FAM120AOS: variants seen among roughly 807,000 people sequenced by gnomAD.
FAM120AOS encodes the protein uncharacterized protein FAM120AOS.
FAM120AOS carries 15 observed loss-of-function variants against 20.2 expected under a neutral mutation model. The ratio of observed to expected loss-of-function variants is 0.74; its 90% CI spans 0.50 to 1.15. FAM120AOS has a LOEUF of 1.15. FAM120AOS is among the 50% of genes most tolerant of loss of function. The probability of loss-of-function intolerance (pLI) is 0.00; values close to 1 mark genes in which losing one functional copy is unlikely to be tolerated. For missense variants in FAM120AOS, 327 were observed against 351.9 expected (o/e 0.93, Z 0.57); for synonymous variants, 154 against 154.0 (o/e 1.00, Z 0.00).
rs113476650 is a variant in FAM120AOS, at chr9:93,447,675, T to C, written c.707A>G (p.Asn236Ser). ...VKKISRSCSVNNKVSKKTTKP... is the reference protein window; with the variant it reads ...VKKISRSCSVSNKVSKKTTKP... ...TGTGGTTTTCTTTGAGACTTTGTTA[T>C]TGACAGAACAGCTTCTGGAAATCTG... The change falls in exon 3 of 3, where the codon AAT becomes AGT. Residue 236 changes from asparagine to serine, a missense_variant. By Grantham distance (46) the Asn-to-Ser change is conservative (BLOSUM62 1). Around this residue, in one of 3 missense-constraint regions of FAM120AOS, gnomAD observed 86 missense variants for 82.9 expected, o/e 1.04. Transcript: ENST00000375412. 3.6e-3 allele frequency: 5,821 copies of C among 1,613,632 alleles called. 17 individuals are homozygous for C. The highest frequency in any genetic ancestry group is 4.2e-3 in the Non-Finnish European group (4,928 of 1,179,684).
rs1368813595 is a variant in FAM120AOS at position 93,453,497 on chromosome 9, T to G, written c.-788A>C. ...TCCATCTTGTCATTTGACATTTCCTTGAAACTGCTGGAGCTGAAAGTTTGT... is the reference window on the plus strand; with the variant it reads ...TCCATCTTGTCATTTGACATTTCCTGGAAACTGCTGGAGCTGAAAGTTTGT... On this transcript the variant is annotated 5_prime_UTR_variant, in exon 1 of 3. Transcript: ENST00000375412. The G allele has an allele frequency of 1.0e-6, 1 of 985,480 alleles. No individual in the cohort carries two copies. Among genetic ancestry groups the G allele is most frequent in the African/African-American group, 1.7e-5 (1 of 57,364 alleles). The allele number at this position is 985,480 out of a possible 1,614,324, so 61.0% of individuals were successfully genotyped here.
Position 93,447,502 on chromosome 9 carries a change from C to CCAGAAG in FAM120AOS, c.*103_*108dup. On this transcript the variant is annotated 3_prime_UTR_variant, in exon 3 of 3. Transcript: ENST00000375412. ...CTCCAATATAGAGAGAACTCTGAAACCAGAAGCAGAAGCTGAGGAATGGTG... is the reference window on the plus strand; with the variant it reads ...CTCCAATATAGAGAGAACTCTGAAACCAGAAGCAGAAGCAGAAGCTGAGGAATGGTG... 1 of 1,029,944 alleles carries CCAGAAG rather than the reference C, an allele frequency of 9.7e-7. No homozygotes were observed. Among genetic ancestry groups the CCAGAAG allele is most frequent in the South Asian group, 1.4e-5 (1 of 70,830 alleles). The allele number at this position is 1,029,944 out of a possible 1,614,324, so 63.8% of individuals were successfully genotyped here.
At position 93,447,712 on chromosome 9, in the gene FAM120AOS, A is replaced by T; in HGVS notation, c.685-15T>A. The T allele has an allele frequency of 6.3e-7, 1 of 1,599,302 alleles. No individual in the cohort carries two copies. The highest frequency in any genetic ancestry group is 1.1e-5 in the South Asian group (1 of 90,192). ...CTTCTGGAAATCTGAAAAGAAAAAA[A>T]AAAAGGTAGTTTATATATTAGTTTG... On this transcript the variant is annotated splice_polypyrimidine_tract_variant and intron_variant, in intron 2 of 2. Transcript: ENST00000375412.
At position 93,452,915 on chromosome 9, in the gene FAM120AOS, C is replaced by T. The variant is rs910630555; in HGVS notation, c.-206G>A. 5 of 1,429,826 alleles carry T rather than the reference C, an allele frequency of 3.5e-6. No homozygotes were observed. In the African/African-American group the frequency reaches 4.3e-5, roughly 12 times the overall value. The allele number at this position is 1,429,826 out of a possible 1,614,324, so 88.6% of individuals were successfully genotyped here. On this transcript the variant is annotated 5_prime_UTR_variant, in exon 1 of 3. Transcript: ENST00000375412. The surrounding 1 kb of genome is among the most constrained non-coding windows in gnomAD (Gnocchi z 7.0). ...CTTGCCAATGTTGTTAGCCCGGTGA[C>T]AGCGAGACGTGTCTAAGGGCCAGTG... is the stretch of plus-strand genomic sequence containing the variant.
At position 93,447,684 on chromosome 9, in the gene FAM120AOS, C is replaced by T; in HGVS notation, c.698G>A (p.Cys233Tyr). 1.2e-6 allele frequency: 2 copies of T among 1,610,502 alleles called. No homozygotes were observed. The highest frequency in any genetic ancestry group is 2.2e-5 in the South Asian group (2 of 90,792). Residue 233 changes from cysteine (C) to tyrosine (Y), a missense_variant, in exon 3 of 3, where the codon TGT (cysteine) becomes TAT (tyrosine). Physicochemically the swap from Cys to Tyr is radical, Grantham distance 194 (BLOSUM62 -2). Transcript: ENST00000375412. ...ILPVKKISRS[C>Y]SVNNKVSKKT... Reference sequence around the variant, plus strand: ...CTTTGAGACTTTGTTATTGACAGAACAGCTTCTGGAAATCTGAAAAGAAAA... The same window carrying T: ...CTTTGAGACTTTGTTATTGACAGAATAGCTTCTGGAAATCTGAAAAGAAAA...
chr9:93,450,567 TGTCG>T lies in FAM120AOS; in HGVS notation c.592_595del (p.Gln199LeufsTer27). On this transcript the variant is annotated frameshift_variant, in exon 2 of 3. Transcript: ENST00000375412. LOFTEE classifies it high-confidence loss of function. Reference sequence around the variant, plus strand: ...GGGCAGCAGCTGTCCGGCCACAGCCTGTCGGTTGCATCCTGCTCCTCTACAGAGG... The same window carrying T: ...GGGCAGCAGCTGTCCGGCCACAGCCTGTTGCATCCTGCTCCTCTACAGAGG... The T allele has an allele frequency of 6.2e-7, 1 of 1,607,374 alleles. No individual in the cohort carries two copies. Among genetic ancestry groups the T allele is most frequent in the Non-Finnish European group, 8.5e-7 (1 of 1,176,424 alleles).
In FAM120AOS at chr9:93,446,162, G is replaced by T. The variant is rs936299789; in HGVS notation, c.*1449C>A. ...TCCAGAGGCACTTTCATTCTTCCTG[G>T]AGCTCTCGTCAACCCTGACCTCTTC... On this transcript the variant is annotated 3_prime_UTR_variant, in exon 3 of 3. Coordinates refer to ENST00000375412, the MANE Select transcript of FAM120AOS (RefSeq NM_198841.4). Among the ~76,000 whole-genome samples the T allele has an allele frequency of 6.6e-6, 1 of 152,084 alleles. No homozygotes were observed. The highest frequency in any genetic ancestry group is 1.5e-5 in the Non-Finnish European group (1 of 68,028).
At position 93,451,960 on chromosome 9, in the gene FAM120AOS, G is replaced by C. The variant is rs763546850; in HGVS notation, c.563+187C>G. The C allele has an allele frequency of 1.8e-5, 28 of 1,535,750 alleles. No individual in the cohort carries two copies. In the South Asian group the frequency reaches 3.1e-4, roughly 17 times the overall value. On this transcript the variant is annotated intron_variant, in intron 1 of 2. Transcript: ENST00000375412. ...AGGACTACATCGAGAAGCACTGCCC[G>C]AGCGCCGTGGTGCCGGTGGAGCTGC...
Position 93,452,620 on chromosome 9 carries a change from C to T in FAM120AOS, c.90G>A (p.Thr30=). 1 of 1,599,180 alleles carries T rather than the reference C, an allele frequency of 6.3e-7. No individual in the cohort carries two copies. Among genetic ancestry groups the T allele is most frequent in the Non-Finnish European group, 8.5e-7 (1 of 1,179,848 alleles). The change falls in exon 1 of 3, where the codon ACG becomes ACA. Residue 30 remains threonine (T), a synonymous_variant. Transcript: ENST00000375412. The surrounding 1 kb of genome is among the most constrained non-coding windows in gnomAD (Gnocchi z 7.0). ...TGTCCCTGTTCGGGGTCCGCGGCCG[C>T]GTGGGGACACTTGAGGGCTGGGAGA... The part of the protein sequence containing the change: ...GALSQPSSVP[T]RPRTPNRDSW...
At position 93,446,954 on chromosome 9, in the gene FAM120AOS, C is replaced by T. The variant is rs1356206169; in HGVS notation, c.*657G>A. The T allele has an allele frequency of 6.6e-6, 1 of 152,324 alleles. No individual in the cohort carries two copies. The allele number at this position is 152,324 out of a possible 1,614,324, so 9.4% of individuals were successfully genotyped here. ...CTGGTTGCTTTCACCCATATGGTCT[C>T]CTTTGGTGTTCTGCTGGTGCTTATG... On this transcript the variant is annotated 3_prime_UTR_variant, in exon 3 of 3. Transcript: ENST00000375412.
At position 93,446,230 on chromosome 9, in the gene FAM120AOS, G is replaced by A. The variant is rs887434770; in HGVS notation, c.*1381C>T. ...AACGCCTGAGCCACAAGTCTTAGCTGTTTCCAGAAGGGTGATTGTGTGCTC... is the reference window on the plus strand; with the variant it reads ...AACGCCTGAGCCACAAGTCTTAGCTATTTCCAGAAGGGTGATTGTGTGCTC... On this transcript the variant is annotated 3_prime_UTR_variant, in exon 3 of 3. Transcript: ENST00000375412. Among the ~76,000 whole-genome samples the A allele has an allele frequency of 3.3e-5, 5 of 152,314 alleles. No homozygotes were observed. The highest frequency in any genetic ancestry group is 1.2e-4 in the African/African-American group (5 of 41,578).
At chr9:93,451,788 C>G (rs1486897778) in intron 1 of FAM120AOS, 11 of 979,092 alleles carry the variant, frequency 1.1e-5, no homozygotes, top group Non-Finnish European at 1.3e-5. Flanking sequence ...TGAGCGCGCC[C>G]CCGACCCGCC....
At position 93,452,376 on chromosome 9, in the gene FAM120AOS, G is replaced by A; in HGVS notation, c.334C>T (p.Arg112Trp). The A allele has an allele frequency of 2.5e-6, 4 of 1,608,908 alleles. No homozygotes were observed. Among genetic ancestry groups the A allele is most frequent in the Non-Finnish European group, 3.4e-6 (4 of 1,178,286 alleles). ...RIPGLTLTWK[R>W]MSARRMQWAM... The stretch of plus-strand genomic sequence containing the variant: ...CACTGCATCCGCCTGGCGCTCATCC[G>A]CTTCCACGTCAAGGTGAGGCCGGGG... Residue 112 changes from arginine to tryptophan, a missense_variant, in exon 1 of 3, where the codon CGG becomes TGG. Physicochemically the swap from Arg to Trp is moderately radical, Grantham distance 101. This residue lies in a region of FAM120AOS where 86 missense variants were observed against 140.2 expected (regional missense o/e 0.61). Coordinates refer to ENST00000375412, the MANE Select transcript of FAM120AOS (RefSeq NM_198841.4). This position sits in a 1 kb window ranked among gnomAD's most constrained non-coding sequence, Gnocchi z 7.0.
rs1564290718 is a variant in FAM120AOS at position 93,447,560 on chromosome 9, A to C, written c.*51T>G. On this transcript the variant is annotated 3_prime_UTR_variant, in exon 3 of 3. Transcript: ENST00000375412. ...CATTTTCCCTCACACGATGGGTATCAGGGTGGTTTCTTGTCCTTTCAATGC... is the reference window on the plus strand; with the variant it reads ...CATTTTCCCTCACACGATGGGTATCCGGGTGGTTTCTTGTCCTTTCAATGC... 1 of 1,483,036 alleles carries C rather than the reference A, an allele frequency of 6.7e-7. No individual in the cohort carries two copies. Among genetic ancestry groups the C allele is most frequent in the Admixed American group, 1.7e-5 (1 of 58,530 alleles). The allele number at this position is 1,483,036 out of a possible 1,614,324, so 91.9% of individuals were successfully genotyped here.
chr9:93,451,823 CCCCGCCCGCCAG>C, intron 1 of FAM120AOS: 4 of 968,042 alleles, frequency 4.1e-6, no homozygotes, highest in African/African-American at 1.8e-5. Context: ...AGGCCGCCGC[CCCCGCCCGCCAG>C]CCCGCCCGCG....
Position 93,450,536 on chromosome 9 carries a change from T to A in FAM120AOS, c.627A>T (p.Thr209=), listed in dbSNP as rs1220968497. ...QAVAGQLLPS[T]WSLHAHGLAK... ...CCAAACCGTGCGCGTGCAGGCTCCA[T>A]GTGCTGGGCAGCAGCTGTCCGGCCA... is the stretch of plus-strand genomic sequence containing the variant. The change falls in exon 2 of 3, where the codon ACA becomes ACT. Residue 209 remains threonine (T), a synonymous_variant. Transcript: ENST00000375412. 2 of 1,606,042 alleles carry A rather than the reference T, an allele frequency of 1.2e-6. No homozygotes were observed. The highest frequency in any genetic ancestry group is 1.3e-5 in the African/African-American group (1 of 74,410).
chr9:93,452,830 A>G lies in FAM120AOS; in HGVS notation c.-121T>C. 6.5e-7 allele frequency: 1 copy of G among 1,543,574 alleles called. No homozygotes were observed. ...TTGGAAGCAGGCAGGATACAGAGTA[A>G]TAGAGGGGGTTTCGCCAGAGCCCTT... is the stretch of plus-strand genomic sequence containing the variant. On this transcript the variant is annotated 5_prime_UTR_variant, in exon 1 of 3. Transcript: ENST00000375412. This position sits in a 1 kb window ranked among gnomAD's most constrained non-coding sequence, Gnocchi z 7.0.
intron 1 of FAM120AOS, chr9:93,451,881 C>G (rs1337780418): frequency 1.1e-5 from 13 of 1,208,490 alleles, no homozygotes; most frequent in Non-Finnish European, 1.3e-5. Context: ...CCGCCGCCCC[C>G]CGCCCGCACC....
Position 93,452,780 on chromosome 9 carries a change from G to A in FAM120AOS, c.-71C>T. On this transcript the variant is annotated 5_prime_UTR_variant, in exon 1 of 3. Transcript: ENST00000375412. The surrounding 1 kb of genome is among the most constrained non-coding windows in gnomAD (Gnocchi z 7.0). ...AATACTCCCTTTTCTAATTTAGCCTGTTCTTTCCCAGCAACAGGTTCATCT... is the reference window on the plus strand; with the variant it reads ...AATACTCCCTTTTCTAATTTAGCCTATTCTTTCCCAGCAACAGGTTCATCT... The A allele has an allele frequency of 6.3e-7, 1 of 1,594,006 alleles. No individual in the cohort carries two copies. The highest frequency in any genetic ancestry group is 8.5e-7 in the Non-Finnish European group (1 of 1,178,494).
Sources: allele counts gnomAD v4.1 joint callset (sites outside exome capture counted in the v4.1 genomes callset), GRCh38; gene constraint gnomAD v4.1.1; regional missense constraint gnomAD v4.1.1; non-coding constraint Gnocchi (gnomAD v3.1); transcripts MANE v1.5; gene names NCBI Gene and HGNC (gene_info 2026-07-23, HGNC 2026-07-21).